The following JARID2 variants were observed in gnomAD, a reference collection of about 807,000 sequenced individuals.
The protein encoded by JARID2 is jumonji and AT-rich interaction domain containing 2, also known as protein Jumonji.
In JARID2, 21 loss-of-function variants were observed where a neutral mutation model predicts 125.6. The ratio of observed to expected loss-of-function variants is 0.17; its 90% CI spans 0.12 to 0.24. JARID2 has a LOEUF of 0.24. JARID2 is among the 10% of genes least tolerant of loss of function. The pLI, the probability that JARID2 is intolerant of heterozygous loss-of-function variation, is 1.00. For missense variants in JARID2, 1,303 were observed against 1,639.6 expected (o/e 0.79, Z 3.55); for synonymous variants, 736 against 661.6 (o/e 1.11, Z -1.73).
At chr6:15,395,953 G>A (rs567849890) in intron 2 of JARID2, among the ~76,000 whole-genome samples, 33 of 152,274 alleles carry the variant, frequency 2.2e-4, no homozygotes, top group Middle Eastern at 3.4e-3. Context: ...TTGAGCCACC[G>A]CAGGTGGCCT....
At chr6:15,454,024 A>G (rs189574977) in intron 4 of JARID2, among the ~76,000 whole-genome samples, 1 of 152,320 alleles carries the variant, frequency 6.6e-6, no homozygotes, top group Non-Finnish European at 1.5e-5. Flanking sequence ...AGTTCTGTGT[A>G]TATTAAAATC....
At position 15,452,057 on chromosome 6, in the gene JARID2, C is replaced by G; in HGVS notation, c.375C>G (p.Pro125=). 1 of 1,614,116 alleles carries G rather than the reference C, an allele frequency of 6.2e-7. No individual in the cohort carries two copies. The highest frequency in any genetic ancestry group is 8.5e-7 in the Non-Finnish European group (1 of 1,180,010). The part of the protein sequence containing the change: ...RKFAQSQPNS[P]STTPVKIVEP... ...TTGCTCAGTCTCAGCCGAATAGTCC[C>G]AGCACAACTCCAGTAAAGATAGTGG... The change falls in exon 4 of 18, where the codon CCC becomes CCG. Residue 125 remains proline, a synonymous_variant. Transcript: ENST00000341776.
At chr6:15,487,572 T>A (rs745431685) in intron 6 of JARID2, 30 bp downstream of exon 6, 47 of 1,524,812 alleles carry the variant, frequency 3.1e-5, no homozygotes, top group Non-Finnish European at 3.7e-5. Context: ...CCTACATGTG[T>A]GCCAGACCCC....
At chr6:15,373,574 T>C (rs187793604) in intron 1 of JARID2, among the ~76,000 whole-genome samples, 1 of 152,238 alleles carries the variant, frequency 6.6e-6, no homozygotes, top group East Asian at 1.9e-4. Context: ...TGTGATTCTT[T>C]TACTTAAGTG....
At chr6:15,289,107 A>G (rs572504728) in intron 1 of JARID2, among the ~76,000 whole-genome samples, 40 of 152,268 alleles carry the variant, frequency 2.6e-4, no homozygotes, top group African/African-American at 9.6e-4. Context: ...CAGTTAATCC[A>G]ACGAGGTGGC....
intron 3 of JARID2, among the ~76,000 whole-genome samples, chr6:15,415,814 C>G (rs1022578559): frequency 2.6e-5 from 3 of 113,302 alleles, no homozygotes; most frequent in East Asian, 5.4e-4. Flanking sequence ...GCTGGCCGGG[C>G]GGGGGGCTGA....
At chr6:15,485,354 A>G (rs1012291482) in intron 5 of JARID2, among the ~76,000 whole-genome samples, 1 of 152,226 alleles carries the variant, frequency 6.6e-6, no homozygotes, top group Admixed American at 6.5e-5. Flanking sequence ...AAACAATTAG[A>G]AGGAAACTTA....
chr6:15,435,465 G>T (rs1360927439), intron 3 of JARID2, among the ~76,000 whole-genome samples: 1 of 152,226 alleles, frequency 6.6e-6, no homozygotes, highest in African/African-American at 2.4e-5. Flanking sequence ...GGCTTGGAGG[G>T]TGGTAGGATG....
intron 2 of JARID2, among the ~76,000 whole-genome samples, chr6:15,377,947 G>A (rs1405776615): frequency 6.7e-6 from 1 of 149,760 alleles, no homozygotes; most frequent in Non-Finnish European, 1.5e-5. Flanking sequence ...GTACAGTGGC[G>A]CTATCTCTGC....
At chr6:15,495,642 ATGC>A (rs546408739) in intron 6 of JARID2, among the ~76,000 whole-genome samples, 2 of 152,288 alleles carry the variant, frequency 1.3e-5, no homozygotes, top group Non-Finnish European at 2.9e-5. Context: ...TGGGCAGGTC[ATGC>A]TGCTATGTGG....
At chr6:15,498,323 G>C (rs1204143315) in intron 7 of JARID2, among the ~76,000 whole-genome samples, 1 of 152,176 alleles carries the variant, frequency 6.6e-6, no homozygotes, top group African/African-American at 2.4e-5. Flanking sequence ...TGGATCCTTA[G>C]TGAATGCATA....
chr6:15,364,274 G>T (rs1196260365), intron 1 of JARID2, among the ~76,000 whole-genome samples: 1 of 152,168 alleles, frequency 6.6e-6, no homozygotes, highest in Non-Finnish European at 1.5e-5. Flanking sequence ...AACCAGCCCT[G>T]TCAGTAAGGG....
intron 1 of JARID2, among the ~76,000 whole-genome samples, chr6:15,307,967 T>A (rs895565179): frequency 6.6e-6 from 1 of 152,240 alleles, no homozygotes; most frequent in African/African-American, 2.4e-5. Context: ...AAGCACTTGA[T>A]AAGCTATAGA....
intron 2 of JARID2, among the ~76,000 whole-genome samples, chr6:15,374,538 G>C (rs1369154905): frequency 6.6e-6 from 1 of 152,226 alleles, no homozygotes; most frequent in Non-Finnish European, 1.5e-5. Flanking sequence ...TGGTATGTGA[G>C]CAGAACTCTT....
At chr6:15,305,818 A>T (rs1761800962) in intron 1 of JARID2, among the ~76,000 whole-genome samples, 1 of 152,228 alleles carries the variant, frequency 6.6e-6, no homozygotes, top group Non-Finnish European at 1.5e-5. Flanking sequence ...CTGTTTAAAT[A>T]AAGTCCTGTG....
chr6:15,354,925 G>A (rs1763547524), intron 1 of JARID2, among the ~76,000 whole-genome samples: 1 of 152,200 alleles, frequency 6.6e-6, no homozygotes, highest in Non-Finnish European at 1.5e-5. Flanking sequence ...CCGGGGAGGT[G>A]AATTTCAGGT....
chr6:15,337,584 G>A lies in JARID2; in HGVS notation c.46-36533G>A, dbSNP rs115285464. The stretch of plus-strand genomic sequence containing the variant: ...CCACACCAATGGAACCCCTGCCCGA[G>A]GAATTCAACCTGGTCTGAACTGGGA... On this transcript the variant is annotated intron_variant, in intron 1 of 17. Transcript: ENST00000341776. Among the ~76,000 whole-genome samples the A allele has an allele frequency of 4.3e-3, 651 of 152,314 alleles. 4 individuals are homozygous for A. Among genetic ancestry groups the A allele is most frequent in the African/African-American group, 0.015 (613 of 41,574 alleles).
intron 1 of JARID2, among the ~76,000 whole-genome samples, chr6:15,285,188 G>A (rs1760950171): frequency 7.2e-6 from 1 of 138,710 alleles, no homozygotes; most frequent in Admixed American, 8.0e-5. Context: ...TTGGCTCACT[G>A]CAACCTCCGC....
At chr6:15,484,455 C>T (rs1478884946) in intron 5 of JARID2, among the ~76,000 whole-genome samples, 2 of 152,186 alleles carry the variant, frequency 1.3e-5, no homozygotes, top group Non-Finnish European at 1.5e-5. Flanking sequence ...ACTCTGTCTG[C>T]AGGGAGGGAT....
Sources: gnomAD v4.1 joint callset for allele counts (sites outside exome capture counted in the v4.1 genomes callset) on GRCh38, gnomAD v4.1.1 for gene constraint, MANE v1.5 for transcripts, NCBI Gene and HGNC (gene_info 2026-07-23, HGNC 2026-07-21) for gene names.